The following FAM168A variants were observed in gnomAD, a reference collection of about 807,000 sequenced individuals.
The protein encoded by FAM168A is protein FAM168A.
FAM168A carries 3 observed loss-of-function variants against 28.5 expected under a neutral mutation model. That is an observed-to-expected ratio of 0.11 (90% CI 0.05 to 0.27). The LOEUF is 0.27. Among genes scored for constraint, FAM168A ranks in the 10% least tolerant of loss-of-function variants. The pLI, the probability that FAM168A is intolerant of heterozygous loss-of-function variation, is 1.00. For missense variants in FAM168A, 222 were observed against 311.5 expected, an observed-to-expected ratio of 0.71 and a Z score of 2.16; for synonymous variants, 122 against 124.2, an observed-to-expected ratio of 0.98 and a Z score of 0.12.
At chr11:73,589,457 A>C (rs1218342289) in intron 1 of FAM168A, among the ~76,000 whole-genome samples, 1 of 151,628 alleles carries the variant, frequency 6.6e-6, no homozygotes, top group African/African-American at 2.4e-5. Context: ...CTTGGGCTTC[A>C]CATAAAATAC....
At chr11:73,457,642 G>C (rs1418275707) in intron 2 of FAM168A, among the ~76,000 whole-genome samples, 1 of 140,438 alleles carries the variant, frequency 7.1e-6, no homozygotes, top group Non-Finnish European at 1.5e-5. Context: ...TTGGGAGGCC[G>C]AAGTAAGAGG....
At position 73,514,208 on chromosome 11, in the gene FAM168A, G is replaced by A. The variant is rs1379556832; in HGVS notation, c.-18-45716C>T. ...GAGCAGGCCACTGTACTCCAGCCTG[G>A]GCAACAGAGTGAGACCCTCTCTCAA... On this transcript the variant is annotated intron_variant, in intron 1 of 7. Transcript: ENST00000356467. Among the ~76,000 whole-genome samples, 3 of 151,458 alleles carry A rather than the reference G, an allele frequency of 2.0e-5. No homozygotes were observed. The East Asian group carries it at 5.8e-4, about 29-fold the overall frequency.
chr11:73,596,411 A>G (rs983497909), intron 1 of FAM168A, among the ~76,000 whole-genome samples: 1 of 152,152 alleles, frequency 6.6e-6, no homozygotes, highest in Non-Finnish European at 1.5e-5. Flanking sequence ...TTTATGATAT[A>G]CAAATAACAG....
At chr11:73,525,921 G>T (rs1395359134) in intron 1 of FAM168A, among the ~76,000 whole-genome samples, 1 of 152,132 alleles carries the variant, frequency 6.6e-6, no homozygotes, top group Non-Finnish European at 1.5e-5. Context: ...TGAAGTTCTT[G>T]AAAGGACAAA....
chr11:73,483,124 A>G (rs915676150), intron 1 of FAM168A, among the ~76,000 whole-genome samples: 13 of 152,232 alleles, frequency 8.5e-5, no homozygotes, highest in Non-Finnish European at 1.9e-4. Context: ...TACTAGTGGT[A>G]TCAATATTCC....
intron 2 of FAM168A, among the ~76,000 whole-genome samples, chr11:73,444,582 A>T (rs1273141352): frequency 6.6e-6 from 1 of 152,216 alleles, no homozygotes; most frequent in Admixed American, 6.5e-5. Context: ...GTCCCTCTTT[A>T]AAAAATTGTA....
At chr11:73,439,879 CTTTTTTTT>C (rs761818483) in intron 2 of FAM168A, among the ~76,000 whole-genome samples, 2 of 97,042 alleles carry the variant, frequency 2.1e-5, no homozygotes, top group African/African-American at 4.5e-5. Context: ...TCTCAGGTCA[CTTTTTTTT>C]TTTTTTTTTT....
chr11:73,583,420 T>C (rs1245398942), intron 1 of FAM168A, among the ~76,000 whole-genome samples: 2 of 152,210 alleles, frequency 1.3e-5, no homozygotes, highest in African/African-American at 2.4e-5. Flanking sequence ...ACCTGACATG[T>C]CTTTACTGAT....
At chr11:73,513,829 T>C (rs1418643904) in intron 1 of FAM168A, among the ~76,000 whole-genome samples, 1 of 152,220 alleles carries the variant, frequency 6.6e-6, no homozygotes. Flanking sequence ...ATCTGTACTC[T>C]ACCACTTACA....
At chr11:73,588,384 T>C (rs556712061) in intron 1 of FAM168A, among the ~76,000 whole-genome samples, 6 of 152,248 alleles carry the variant, frequency 3.9e-5, no homozygotes, top group African/African-American at 1.2e-4. Context: ...TCTTAAACAT[T>C]ATACAGTTCA....
intron 1 of FAM168A, among the ~76,000 whole-genome samples, chr11:73,568,618 C>T (rs186227588): frequency 6.6e-6 from 1 of 152,260 alleles, no homozygotes; most frequent in East Asian, 1.9e-4. Context: ...GACCCTTGGT[C>T]GGGGGTAATG....
At chr11:73,408,932 G>A (rs1162620808) in intron 6 of FAM168A, among the ~76,000 whole-genome samples, 1 of 151,854 alleles carries the variant, frequency 6.6e-6, no homozygotes, top group African/African-American at 2.4e-5. Context: ...GCTGTTACTG[G>A]AGTGCTAGCA....
intron 3 of FAM168A, among the ~76,000 whole-genome samples, chr11:73,420,419 G>A (rs1866771705): frequency 6.6e-6 from 1 of 152,190 alleles, no homozygotes; most frequent in Non-Finnish European, 1.5e-5. Context: ...TCATCTGGAG[G>A]TATATTTATA....
chr11:73,503,638 G>GA (rs1207600355), intron 1 of FAM168A, among the ~76,000 whole-genome samples: 4 of 152,058 alleles, frequency 2.6e-5, no homozygotes, highest in African/African-American at 4.8e-5. Context: ...CACAGAATTA[G>GA]AAAAAAACTA....
At chr11:73,419,729 G>T in intron 4 of FAM168A, 145 bp downstream of exon 4, 1 of 863,478 alleles carries the variant, frequency 1.2e-6, no homozygotes, top group Non-Finnish European at 1.7e-6. Flanking sequence ...AATAAGGAGG[G>T]GTAATTTTTT....
In FAM168A at chr11:73,530,963, C is replaced by T. The variant is rs1943507921; in HGVS notation, c.-18-62471G>A. The stretch of plus-strand genomic sequence containing the variant: ...AAACATGTAGCAAACACCTATTCTG[C>T]ATCTGGGCTCTATGTTGGCTGTTGA... On this transcript the variant is annotated intron_variant, in intron 1 of 7. Coordinates refer to ENST00000356467, the MANE Select transcript of FAM168A (RefSeq NM_015159.3). Among the ~76,000 whole-genome samples, 4 of 152,128 alleles carry T rather than the reference C, an allele frequency of 2.6e-5. No individual in the cohort carries two copies. In the South Asian group the frequency reaches 8.3e-4, roughly 31 times the overall value.
chr11:73,518,679 C>T lies in FAM168A; in HGVS notation c.-18-50187G>A, dbSNP rs764460405. Among the ~76,000 whole-genome samples, 85 of 152,038 alleles carry T rather than the reference C, an allele frequency of 5.6e-4. 1 individual carries two copies. Among genetic ancestry groups the T allele is most frequent in the Middle Eastern group, 3.4e-3 (1 of 294 alleles). ...TTGGGAGGCTGAGGCGGGTGGATCA[C>T]GAGGTCAGGAGTTCGAAACCAGCCT... On this transcript the variant is annotated intron_variant, in intron 1 of 7. Coordinates refer to ENST00000356467, the MANE Select transcript of FAM168A (RefSeq NM_015159.3).
At chr11:73,412,564 C>A (rs928715306) in intron 4 of FAM168A, among the ~76,000 whole-genome samples, 11 of 152,180 alleles carry the variant, frequency 7.2e-5, no homozygotes, top group Admixed American at 3.9e-4. Context: ...AAAATGGAAT[C>A]GTTCTACGGA....
chr11:73,423,161 T>G (rs1037112446), intron 3 of FAM168A, among the ~76,000 whole-genome samples: 2 of 152,208 alleles, frequency 1.3e-5, no homozygotes, highest in African/African-American at 4.8e-5. Flanking sequence ...TCACCCAGTC[T>G]TATAGTTTCT....
Sources: gnomAD v4.1 joint callset for allele counts (sites outside exome capture counted in the v4.1 genomes callset) on GRCh38, gnomAD v4.1.1 for gene constraint, MANE v1.5 for transcripts, NCBI Gene and HGNC (gene_info 2026-07-23, HGNC 2026-07-21) for gene names.